The following INTS13 variants were observed in gnomAD, a reference collection of about 807,000 sequenced individuals.
INTS13 encodes integrator complex subunit 13.
Under a neutral mutation model 90.2 loss-of-function variants are expected in INTS13, and 35 were observed. That is an observed-to-expected ratio of 0.39 (90% CI 0.30 to 0.51). The LOEUF is 0.51. INTS13 is among the 20% of genes least tolerant of loss of function. The pLI is 0.80. For missense variants in INTS13, 601 were observed against 851.2 expected, an observed-to-expected ratio of 0.71 and a Z score of 3.66; for synonymous variants, 309 against 277.1, an observed-to-expected ratio of 1.11 and a Z score of -1.14.
chr12:26,922,616 C>T lies in INTS13; in HGVS notation c.889G>A (p.Gly297Ser). ...AATAATACTTTCAAATGTCTCTTACCACTTTTCAGGAAATCTACATGTGCA... is the reference window on the plus strand; with the variant it reads ...AATAATACTTTCAAATGTCTCTTACTACTTTTCAGGAAATCTACATGTGCA... ...KDAHVDFLKS[G>S]DSHLGGGSRE... The change falls in exon 8 of 17, where the codon GGT (glycine) becomes AGT (serine). Residue 297 changes from glycine (G) to serine (S), a missense_variant and splice_region_variant. Around this residue, in one of 3 missense-constraint regions of INTS13, gnomAD observed 284 missense variants for 387.7 expected, o/e 0.73. Coordinates refer to ENST00000261191, the MANE Select transcript of INTS13 (RefSeq NM_018164.3). The T allele has an allele frequency of 6.3e-7, 1 of 1,584,660 alleles. No homozygotes were observed. The highest frequency in any genetic ancestry group is 8.6e-7 in the Non-Finnish European group (1 of 1,164,822).
At chr12:26,912,395 C>T (rs541882499) in intron 14 of INTS13, among the ~76,000 whole-genome samples, 1 of 152,102 alleles carries the variant, frequency 6.6e-6, no homozygotes, top group African/African-American at 2.4e-5. Flanking sequence ...CGAGATCATG[C>T]CACTGCATTC....
At chr12:26,928,520 T>C (rs546659235) in intron 4 of INTS13, among the ~76,000 whole-genome samples, 183 bp downstream of exon 4, 17 of 151,824 alleles carry the variant, frequency 1.1e-4, no homozygotes, top group African/African-American at 4.1e-4. Context: ...TAAGTCTTTA[T>C]TTTAGAATGG....
chr12:26,916,191 C>G lies in INTS13; in HGVS notation c.1070-11G>C. The G allele has an allele frequency of 6.3e-7, 1 of 1,595,078 alleles. No individual in the cohort carries two copies. Among genetic ancestry groups the G allele is most frequent in the South Asian group, 1.1e-5 (1 of 89,048 alleles). On this transcript the variant is annotated splice_polypyrimidine_tract_variant and intron_variant, in intron 10 of 16. Transcript: ENST00000261191. ...ATAAAACAGAACGACCTGTCAAAAA[C>G]AAGATTACACTATCAGTAATGAAAC...
intron 7 of INTS13, 46 bp from the exon 8 acceptor site, chr12:26,922,746 C>G: frequency 8.2e-7 from 1 of 1,222,948 alleles, no homozygotes. Flanking sequence ...GTTTTGCTTT[C>G]AAAATAATAA....
At chr12:26,935,858 A>G (rs1938432188) in intron 2 of INTS13, among the ~76,000 whole-genome samples, 1 of 152,224 alleles carries the variant, frequency 6.6e-6, no homozygotes, top group Non-Finnish European at 1.5e-5. Flanking sequence ...ACAGAAAGCA[A>G]GTCTTCCACT....
intron 16 of INTS13, among the ~76,000 whole-genome samples, chr12:26,905,917 A>C (rs933845741): frequency 1.3e-5 from 2 of 152,222 alleles, no homozygotes; most frequent in African/African-American, 4.8e-5. Flanking sequence ...ATTTCTTCTA[A>C]AAAAATCAAA....
intron 4 of INTS13, 28 bp from the exon 5 acceptor site, chr12:26,928,313 T>A (rs763962714): frequency 1.4e-5 from 22 of 1,557,840 alleles, no homozygotes; most frequent in Non-Finnish European, 1.9e-5. Context: ...TATAGCAAAT[T>A]TAAAGGAATA....
chr12:26,914,187 A>G, intron 12 of INTS13, 59 bp from the exon 13 acceptor site: 3 of 1,436,526 alleles, frequency 2.1e-6, no homozygotes, highest in South Asian at 2.7e-5. Flanking sequence ...ATATCAAAAC[A>G]TCTAGGCAGA....
chr12:26,913,714 T>G, intron 13 of INTS13, 27 bp from the exon 14 acceptor site: 1 of 1,542,722 alleles, frequency 6.5e-7, no homozygotes, highest in Non-Finnish European at 8.9e-7. Flanking sequence ...GAAATACTCT[T>G]TAAATAATAT....
intron 1 of INTS13, among the ~76,000 whole-genome samples, chr12:26,937,119 T>C (rs996456155): frequency 6.6e-6 from 1 of 152,220 alleles, no homozygotes; most frequent in African/African-American, 2.4e-5. Context: ...CATTTAATTG[T>C]ATTTGATTCC....
chr12:26,914,525 T>A lies in INTS13; in HGVS notation c.1302A>T (p.Arg434Ser). 1 of 1,613,860 alleles carries A rather than the reference T, an allele frequency of 6.2e-7. No individual in the cohort carries two copies. Among genetic ancestry groups the A allele is most frequent in the Non-Finnish European group, 8.5e-7 (1 of 1,179,848 alleles). Residue 434 changes from arginine to serine, a missense_variant, in exon 12 of 17, where the codon AGA (arginine) becomes AGT (serine). Physicochemically the swap from Arg to Ser is moderately radical, Grantham distance 110 (BLOSUM62 -1). Transcript: ENST00000261191. ...ENRLTPFLDP[R>S]YKIDGSLEVP... ...CCTCAAGACTTCCATCGATTTTATA[T>A]CTGGGGTCTAGAAAAGGAGTTAATC...
At chr12:26,906,711 T>C (rs1951620525) in intron 15 of INTS13, among the ~76,000 whole-genome samples, 1 of 152,192 alleles carries the variant, frequency 6.6e-6, no homozygotes, top group South Asian at 2.1e-4. Context: ...TTAAGAATGA[T>C]TACAGCATTA....
At position 26,934,612 on chromosome 12, in the gene INTS13, C is replaced by G; in HGVS notation, c.244G>C (p.Asp82His). 6.2e-7 allele frequency: 1 copy of G among 1,613,182 alleles called. No individual in the cohort carries two copies. Residue 82 changes from aspartate (D) to histidine (H), a missense_variant, in exon 3 of 17, where the codon GAC becomes CAC. By Grantham distance (81) the Asp-to-His change is moderately conservative. Around this residue, in one of 3 missense-constraint regions of INTS13, gnomAD observed 284 missense variants for 387.7 expected, o/e 0.73. Coordinates refer to ENST00000261191, the MANE Select transcript of INTS13 (RefSeq NM_018164.3). ...FKKLVNFIVS[D>H]SGAHVLNSWT... ...GAATTTAAAACATGTGCTCCAGAGTCACTCACAATAAAATTCACCTAATAG... is the reference window on the plus strand; with the variant it reads ...GAATTTAAAACATGTGCTCCAGAGTGACTCACAATAAAATTCACCTAATAG...
At chr12:26,924,630 A>C (rs1937766765) in intron 6 of INTS13, 147 bp from the exon 7 acceptor site, 1 of 886,074 alleles carries the variant, frequency 1.1e-6, no homozygotes, top group African/African-American at 1.7e-5. Flanking sequence ...TAACCATGAC[A>C]ATTATTTTAG....
intron 8 of INTS13, 21 bp from the exon 9 acceptor site, chr12:26,917,754 C>G (rs1951981416): frequency 7.1e-7 from 1 of 1,416,578 alleles, no homozygotes; most frequent in Admixed American, 1.8e-5. Flanking sequence ...ATGTCAGAGA[C>G]ATTACACATT....
chr12:26,934,684 C>T, intron 2 of INTS13, 54 bp from the exon 3 acceptor site: 1 of 1,259,674 alleles, frequency 7.9e-7, no homozygotes, highest in Non-Finnish European at 1.2e-6. Context: ...ACTCAATCAC[C>T]AACATATTTT....
chr12:26,924,961 T>G (rs181293118), intron 6 of INTS13, among the ~76,000 whole-genome samples: 12 of 152,250 alleles, frequency 7.9e-5, no homozygotes, highest in Admixed American at 3.9e-4. Flanking sequence ...CAGCTAGAAG[T>G]AGTGTACAAC....
At position 26,914,482 on chromosome 12, in the gene INTS13, T is replaced by C; in HGVS notation, c.1345A>G (p.Lys449Glu). The C allele has an allele frequency of 6.2e-7, 1 of 1,613,976 alleles. No individual in the cohort carries two copies. Among genetic ancestry groups the C allele is most frequent in the Non-Finnish European group, 8.5e-7 (1 of 1,179,924 alleles). Reference protein sequence around the residue: ...GSLEVPLERAKDQLEKHTRYW... With the variant: ...GSLEVPLERAEDQLEKHTRYW... ...CGGGTATGTTTTTCTAACTGATCTT[T>C]TGCTCGTTCCAAAGGGACCTCAAGA... Residue 449 changes from lysine to glutamate, a missense_variant, in exon 12 of 17, where the codon AAA becomes GAA. This residue lies in a region of INTS13 where 89 missense variants were observed against 191.0 expected (regional missense o/e 0.47). Coordinates refer to ENST00000261191, the MANE Select transcript of INTS13 (RefSeq NM_018164.3).
chr12:26,914,531 G>A lies in INTS13; in HGVS notation c.1296C>T (p.Asp432=). Reference sequence around the variant, plus strand: ...GACTTCCATCGATTTTATATCTGGGGTCTAGAAAAGGAGTTAATCTGTTTT... The same window carrying A: ...GACTTCCATCGATTTTATATCTGGGATCTAGAAAAGGAGTTAATCTGTTTT... The part of the protein sequence containing the change: ...MRENRLTPFL[D]PRYKIDGSLE... The change falls in exon 12 of 17, where the codon GAC becomes GAT. Residue 432 remains aspartate, a synonymous_variant. Coordinates refer to ENST00000261191, the MANE Select transcript of INTS13 (RefSeq NM_018164.3). 2 of 1,613,624 alleles carry A rather than the reference G, an allele frequency of 1.2e-6. No homozygotes were observed. Among genetic ancestry groups the A allele is most frequent in the East Asian group, 2.2e-5 (1 of 44,798 alleles).
Sources: allele counts gnomAD v4.1 joint callset (sites outside exome capture counted in the v4.1 genomes callset), GRCh38; gene constraint gnomAD v4.1.1; regional missense constraint gnomAD v4.1.1; transcripts MANE v1.5; gene names NCBI Gene and HGNC (gene_info 2026-07-23, HGNC 2026-07-21).